The following ST6GAL1 variants were observed in gnomAD, a reference collection of about 807,000 sequenced individuals.
The protein encoded by ST6GAL1 is beta-galactoside alpha-2,6-sialyltransferase 1.
In ST6GAL1, 20 loss-of-function variants were observed where a neutral mutation model predicts 38.0. The ratio of observed to expected loss-of-function variants is 0.53; its 90% CI spans 0.37 to 0.77. ST6GAL1 has a LOEUF of 0.77. Among genes scored for constraint, ST6GAL1 ranks in the 30% least tolerant of loss-of-function variants. The pLI is 0.00. For synonymous variants in ST6GAL1, 196 were observed against 188.2 expected (o/e 1.04, Z -0.34); for missense variants, 432 against 496.4 (o/e 0.87, Z 1.23).
At chr3:187,019,402 C>T (rs1186088895) in intron 2 of ST6GAL1, among the ~76,000 whole-genome samples, 1 of 152,214 alleles carries the variant, frequency 6.6e-6, no homozygotes, top group African/African-American at 2.4e-5. Flanking sequence ...ACGTCTTAAC[C>T]ATCTTGGCCC....
chr3:186,987,180 CAG>C (rs1491027199), intron 2 of ST6GAL1, among the ~76,000 whole-genome samples: 4 of 92,600 alleles, frequency 4.3e-5, no homozygotes, highest in Admixed American at 1.4e-4. Flanking sequence ...GAAAGAGAGA[CAG>C]GGAGGGAGGG....
chr3:187,002,544 T>C (rs1716654535), intron 2 of ST6GAL1, among the ~76,000 whole-genome samples: 3 of 152,214 alleles, frequency 2.0e-5, no homozygotes, highest in Admixed American at 2.0e-4. Flanking sequence ...CTGTGAGGCA[T>C]TGGCTGGGAG....
Position 187,010,558 on chromosome 3 carries a change from C to T in ST6GAL1, c.-182-28184C>T, listed in dbSNP as rs776440253. 4.3e-4 allele frequency among the ~76,000 whole-genome samples: 28 copies of T among 64,498 alleles called. 1 individual carries two copies. The highest frequency in any genetic ancestry group is 1.3e-4 in the African/African-American group (3 of 23,074). The allele number at this position is 64,498 out of a possible 152,430, so 42.3% of individuals were successfully genotyped here. On this transcript the variant is annotated intron_variant, in intron 2 of 7. Coordinates refer to ENST00000169298, the MANE Select transcript of ST6GAL1 (RefSeq NM_173216.2). The stretch of plus-strand genomic sequence containing the variant: ...TTTTTACTAACCCTGTTTTTAGACT[C>T]TCCCTTTTCCTTTAATCACCTAGCC...
In ST6GAL1 at chr3:186,930,622, C is replaced by T. The variant is rs2041965; in HGVS notation, c.-537C>T. The T allele has an allele frequency of 0.36, 54,796 of 152,406 alleles. 10,002 individuals carry two copies. The highest frequency in any genetic ancestry group is 0.37 in the Admixed American group (5,660 of 15,294). 9.4% of individuals were successfully genotyped at this position (152,406 alleles called of 1,614,324 possible). A position where few individuals can be genotyped will look rare whatever the true frequency, so the allele number is the denominator to read the frequency against. ...CTCTTTCGAGACTCCCTAGTGGGGTCCCCAGCTCCCGGGCGATCCTGCCCT... is the reference window on the plus strand; with the variant it reads ...CTCTTTCGAGACTCCCTAGTGGGGTTCCCAGCTCCCGGGCGATCCTGCCCT... On this transcript the variant is annotated 5_prime_UTR_variant, in exon 1 of 8. Coordinates refer to ENST00000169298, the MANE Select transcript of ST6GAL1 (RefSeq NM_173216.2).
At chr3:186,969,051 C>CTTTTTTTTTTTTTT (rs34520153) in intron 2 of ST6GAL1, among the ~76,000 whole-genome samples, 2 of 89,252 alleles carry the variant, frequency 2.2e-5, no homozygotes, top group African/African-American at 8.3e-5. Flanking sequence ...TTCTCTTTTT[C>CTTTTTTTTTTTTTT]TTTTTTTTTT....
intron 5 of ST6GAL1, among the ~76,000 whole-genome samples, chr3:187,064,837 T>TG (rs1156307863): frequency 1.3e-5 from 2 of 152,192 alleles, no homozygotes; most frequent in Non-Finnish European, 2.9e-5. Flanking sequence ...ATTTTGTGTC[T>TG]GTTTCTGTGG....
intron 2 of ST6GAL1, among the ~76,000 whole-genome samples, chr3:186,971,896 G>T (rs954303972): frequency 6.6e-6 from 1 of 152,162 alleles, no homozygotes; most frequent in Non-Finnish European, 1.5e-5. Flanking sequence ...AGATCATACA[G>T]TGCCAAGGGC....
At chr3:187,073,886 C>T (rs976269338) in intron 6 of ST6GAL1, 6 of 315,282 alleles carry the variant, frequency 1.9e-5, no homozygotes, top group African/African-American at 6.5e-5. Flanking sequence ...AGAGTGTTCC[C>T]GGACTCTGAT....
intron 2 of ST6GAL1, among the ~76,000 whole-genome samples, chr3:186,976,510 A>G (rs1297378447): frequency 6.6e-6 from 1 of 151,858 alleles, no homozygotes; most frequent in East Asian, 1.9e-4. Flanking sequence ...GCTCACTGCA[A>G]CCTCCATCTC....
intron 2 of ST6GAL1, among the ~76,000 whole-genome samples, chr3:186,979,172 TAA>T (rs1380956705): frequency 6.6e-6 from 1 of 152,120 alleles, no homozygotes; most frequent in Non-Finnish European, 1.5e-5. Flanking sequence ...AAACTGTATA[TAA>T]AGTGTGAGTC....
chr3:187,075,970 G>T lies in ST6GAL1; in HGVS notation c.*167G>T, dbSNP rs1432373542. 5 of 1,044,368 alleles carry T rather than the reference G, an allele frequency of 4.8e-6. No homozygotes were observed. The highest frequency in any genetic ancestry group is 2.9e-5 in the Admixed American group (1 of 34,634). 64.7% of individuals were successfully genotyped at this position (1,044,368 alleles called of 1,614,324 possible). A position where few individuals can be genotyped will look rare whatever the true frequency, so the allele number is the denominator to read the frequency against. The stretch of plus-strand genomic sequence containing the variant: ...CAAGAGCCTGTGGTCAGGAAATCAG[G>T]TCCAGCCTTCCCTGTAGCCAGACAG... On this transcript the variant is annotated 3_prime_UTR_variant, in exon 8 of 8. Coordinates refer to ENST00000169298, the MANE Select transcript of ST6GAL1 (RefSeq NM_173216.2). The surrounding 1 kb of genome is among the most constrained non-coding windows in gnomAD (Gnocchi z 4.1).
intron 2 of ST6GAL1, among the ~76,000 whole-genome samples, chr3:187,032,454 A>G (rs989585088): frequency 6.6e-6 from 1 of 152,146 alleles, no homozygotes; most frequent in African/African-American, 2.4e-5. Context: ...CAGGAGTAAG[A>G]GCTGTGAACC....
chr3:186,941,839 C>T (rs1478289942), intron 1 of ST6GAL1, among the ~76,000 whole-genome samples: 5 of 151,956 alleles, frequency 3.3e-5, no homozygotes, highest in East Asian at 1.9e-4. Flanking sequence ...AGTGAAACCC[C>T]GTCTCTACTA....
chr3:186,969,423 A>G (rs1407238454), intron 2 of ST6GAL1, among the ~76,000 whole-genome samples: 3 of 152,196 alleles, frequency 2.0e-5, no homozygotes, highest in African/African-American at 7.2e-5. Context: ...GTAAACACTA[A>G]TGATATTGAG....
chr3:186,948,088 T>G (rs540168092), intron 1 of ST6GAL1, among the ~76,000 whole-genome samples: 2 of 152,110 alleles, frequency 1.3e-5, no homozygotes, highest in South Asian at 4.1e-4. Flanking sequence ...TGGGTGAGAA[T>G]CCGCTCTTGC....
intron 1 of ST6GAL1, among the ~76,000 whole-genome samples, chr3:186,934,548 G>A (rs1335543501): frequency 1.3e-5 from 2 of 151,738 alleles, no homozygotes; most frequent in Non-Finnish European, 2.9e-5. Context: ...GGGACATAGC[G>A]AGACCCTGTC....
Position 186,952,080 on chromosome 3 carries a change from T to C in ST6GAL1, c.-324-11705T>C, listed in dbSNP as rs1201808150. Among the ~76,000 whole-genome samples the C allele has an allele frequency of 6.6e-6, 1 of 152,214 alleles. No individual in the cohort carries two copies. Among genetic ancestry groups the C allele is most frequent in the African/African-American group, 2.4e-5 (1 of 41,452 alleles). ...ATTTGGCTCATGATTCTGCAGGCTG[T>C]ACAGGCATGGCACCCACATCATCTT... On this transcript the variant is annotated intron_variant, in intron 1 of 7. Transcript: ENST00000169298. The surrounding 1 kb of genome is among the most constrained non-coding windows in gnomAD (Gnocchi z 4.1).
chr3:186,966,348 A>G (rs1715115596), intron 2 of ST6GAL1, among the ~76,000 whole-genome samples: 1 of 152,210 alleles, frequency 6.6e-6, no homozygotes. Flanking sequence ...ATGAGCTAAC[A>G]AGGTATCTAT....
intron 1 of ST6GAL1, among the ~76,000 whole-genome samples, chr3:186,953,915 C>T (rs1253515859): frequency 6.6e-6 from 1 of 151,504 alleles, no homozygotes; most frequent in East Asian, 1.9e-4. Context: ...GGTTTGCTGC[C>T]CCTATCAACC....
Sources: gnomAD v4.1 joint callset for allele counts (sites outside exome capture counted in the v4.1 genomes callset) on GRCh38, gnomAD v4.1.1 for gene constraint, Gnocchi (gnomAD v3.1) non-coding constraint, MANE v1.5 for transcripts, NCBI Gene and HGNC (gene_info 2026-07-23, HGNC 2026-07-21) for gene names.